Variants in TENM2 observed in about 807,000 individuals in gnomAD.
TENM2 encodes teneurin transmembrane protein 2, also known as teneurin-2.
A neutral mutation model predicts 245.2 loss-of-function variants in TENM2; 52 were observed. That is an observed-to-expected ratio of 0.21 (90% CI 0.17 to 0.27). The LOEUF (loss-of-function observed/expected upper bound fraction) is 0.27, where lower values mean the gene tolerates loss of function less well. Ranked by LOEUF, TENM2 falls within the 10% of genes least tolerant of loss-of-function variation. TENM2 has a pLI of 1.00. For missense variants in TENM2, 3,046 were observed against 3,666.8 expected (o/e 0.83, Z 4.37); for synonymous variants, 1,363 against 1,438.9 (o/e 0.95, Z 1.19).
At chr5:168,148,354 G>T (rs1316632062) in intron 12 of TENM2, among the ~76,000 whole-genome samples, 3 of 152,172 alleles carry the variant, frequency 2.0e-5, no homozygotes, top group African/African-American at 4.8e-5. Flanking sequence ...AGGCCAGATT[G>T]TTGGAATTCT....
chr5:167,750,025 T>G (rs539591062), intron 2 of TENM2, among the ~76,000 whole-genome samples: 3 of 152,014 alleles, frequency 2.0e-5, no homozygotes, highest in Admixed American at 6.6e-5. Context: ...TCAAAAGCAA[T>G]GGAGATGATT....
chr5:167,840,074 G>A (rs1465456592), intron 2 of TENM2, among the ~76,000 whole-genome samples: 2 of 152,214 alleles, frequency 1.3e-5, no homozygotes, highest in Non-Finnish European at 2.9e-5. Context: ...ACCCGCCTCG[G>A]CCTCCCAAAG....
chr5:167,041,907 A>G, the TENM2 span, among the ~76,000 whole-genome samples: 1 of 152,238 alleles, frequency 6.6e-6, no homozygotes, highest in East Asian at 1.9e-4. Context: ...GATTCCCCTT[A>G]TGTGTGTGTG....
chr5:168,233,703 CTGA>C (rs1269597893), intron 25 of TENM2, among the ~76,000 whole-genome samples: 1 of 152,136 alleles, frequency 6.6e-6, no homozygotes, highest in Non-Finnish European at 1.5e-5. Flanking sequence ...TTTCACGCTG[CTGA>C]TAAAGACATA....
chr5:167,811,506 G>C lies in TENM2; in HGVS notation c.503-64480G>C, dbSNP rs540468451. ...AGCAGAGGCAGGTGCCACGCTTCTT[G>C]TACAGCCTGCAGAACGATCTGCCAC... On this transcript the variant is annotated intron_variant, in intron 2 of 28. Coordinates refer to ENST00000518659, the Ensembl canonical transcript of TENM2. Among the ~76,000 whole-genome samples, 232 of 152,194 alleles carry C rather than the reference G, an allele frequency of 1.5e-3. 2 individuals carry two copies. Among genetic ancestry groups the C allele is most frequent in the African/African-American group, 5.2e-3 (217 of 41,542 alleles).
chr5:167,720,169 G>A (rs777119167), intron 2 of TENM2, among the ~76,000 whole-genome samples: 1 of 151,784 alleles, frequency 6.6e-6, no homozygotes, highest in African/African-American at 2.4e-5. Context: ...CACAAAACAC[G>A]GGACAGGAAA....
intron 13 of TENM2, among the ~76,000 whole-genome samples, chr5:168,178,901 G>A (rs1436478668): frequency 1.3e-5 from 2 of 152,056 alleles, no homozygotes; most frequent in Non-Finnish European, 2.9e-5. Flanking sequence ...TCGGGAGGCC[G>A]AGGCGGATGG....
chr5:167,814,598 T>C (rs1180234060), intron 2 of TENM2, among the ~76,000 whole-genome samples: 1 of 151,492 alleles, frequency 6.6e-6, no homozygotes, highest in East Asian at 1.9e-4. Context: ...CAAGATATCC[T>C]TAAGAGGCAC....
At chr5:168,192,491 G>C (rs921031092) in intron 14 of TENM2, among the ~76,000 whole-genome samples, 1 of 152,150 alleles carries the variant, frequency 6.6e-6, no homozygotes, top group East Asian at 1.9e-4. Context: ...CAGACATCCT[G>C]AAGACTACCC....
chr5:167,554,229 G>T (rs1160040643), intron 2 of TENM2, among the ~76,000 whole-genome samples: 1 of 152,160 alleles, frequency 6.6e-6, no homozygotes, highest in East Asian at 1.9e-4. Context: ...CCAGAGCAAT[G>T]GTTAAATTGA....
intron 2 of TENM2, among the ~76,000 whole-genome samples, chr5:167,471,471 C>G (rs1376316053): frequency 2.0e-5 from 3 of 151,960 alleles, no homozygotes; most frequent in African/African-American, 7.3e-5. Context: ...ATAAAAGTAA[C>G]GAAAGGTACA....
chr5:167,359,921 A>T (rs1759600133), intron 1 of TENM2, among the ~76,000 whole-genome samples: 1 of 152,224 alleles, frequency 6.6e-6, no homozygotes, highest in Non-Finnish European at 1.5e-5. Context: ...AGACAGGAAC[A>T]AAAAGCCAAA....
intron 28 of TENM2, among the ~76,000 whole-genome samples, chr5:168,260,637 A>G (rs1018006539): frequency 6.6e-6 from 1 of 152,214 alleles, no homozygotes; most frequent in African/African-American, 2.4e-5. Context: ...TAATTGTGGT[A>G]TCATTATCTG....
chr5:167,458,401 C>G (rs963314828), intron 2 of TENM2, among the ~76,000 whole-genome samples: 7 of 141,408 alleles, frequency 5.0e-5, no homozygotes, highest in African/African-American at 1.8e-4. Context: ...GCAAGAGAAT[C>G]CCTTGAACCC....
intron 12 of TENM2, among the ~76,000 whole-genome samples, chr5:168,149,722 C>T (rs76367642): frequency 0.088 from 13,440 of 152,196 alleles, 782 homozygotes; most frequent in East Asian, 0.18. Context: ...CAGATCAGGC[C>T]ACTCCTCTGC....
chr5:167,426,572 G>A (rs1328255187), intron 2 of TENM2, among the ~76,000 whole-genome samples: 4 of 145,372 alleles, frequency 2.8e-5, no homozygotes, highest in Admixed American at 6.8e-5. Context: ...AAAAATTCTA[G>A]ATTTAAGCAT....
At chr5:168,092,161 G>A (rs1424818274) in intron 8 of TENM2, among the ~76,000 whole-genome samples, 1 of 152,180 alleles carries the variant, frequency 6.6e-6, no homozygotes, top group African/African-American at 2.4e-5. Flanking sequence ...AAATTCAGGT[G>A]GCAATTCTTC....
the TENM2 span, among the ~76,000 whole-genome samples, chr5:167,270,137 A>T: frequency 6.6e-6 from 1 of 152,194 alleles, no homozygotes; most frequent in Non-Finnish European, 1.5e-5. Context: ...GAACTGTTTC[A>T]TGCAGCAAAA....
intron 9 of TENM2, among the ~76,000 whole-genome samples, chr5:168,102,447 C>T (rs1018576527): frequency 2.0e-5 from 3 of 152,168 alleles, no homozygotes; most frequent in Admixed American, 1.3e-4. Flanking sequence ...ATGTTAGCGC[C>T]CCCATTAACC....
Sources: allele counts gnomAD v4.1 joint callset (sites outside exome capture counted in the v4.1 genomes callset), GRCh38; gene constraint gnomAD v4.1.1; transcripts MANE v1.5; gene names NCBI Gene and HGNC (gene_info 2026-07-23, HGNC 2026-07-21).